MACROD2: variants seen among roughly 807,000 people sequenced by gnomAD.
MACROD2 encodes mono-ADP ribosylhydrolase 2, also known as ADP-ribose glycohydrolase MACROD2.
In MACROD2, 36 loss-of-function variants were observed where a neutral mutation model predicts 70.4. The ratio of observed to expected loss-of-function variants is 0.51; its 90% CI spans 0.39 to 0.68. MACROD2 has a LOEUF of 0.68. MACROD2 is among the 30% of genes least tolerant of loss of function. The pLI is 0.00. For synonymous variants in MACROD2, 172 were observed against 178.8 expected (o/e 0.96, Z 0.30); for missense variants, 496 against 538.4 (o/e 0.92, Z 0.78).
intron 5 of MACROD2, among the ~76,000 whole-genome samples, chr20:14,984,221 A>G (rs940251591): frequency 2.2e-4 from 33 of 152,278 alleles, no homozygotes; most frequent in African/African-American, 7.9e-4. Context: ...ATCTAATTTC[A>G]TATTGGTTAT....
chr20:14,400,494 A>G (rs1433712462), intron 3 of MACROD2, among the ~76,000 whole-genome samples: 1 of 152,190 alleles, frequency 6.6e-6, no homozygotes, highest in East Asian at 1.9e-4. Context: ...ACTGCCTGTA[A>G]ATCTTGTAGC....
intron 5 of MACROD2, among the ~76,000 whole-genome samples, chr20:15,069,085 T>C (rs923394540): frequency 2.6e-5 from 4 of 152,052 alleles, no homozygotes; most frequent in Admixed American, 2.0e-4. Flanking sequence ...TAGTACCTTG[T>C]TGTGTACTAG....
intron 8 of MACROD2, among the ~76,000 whole-genome samples, chr20:15,577,107 C>T (rs1489425982): frequency 1.3e-5 from 2 of 151,872 alleles, no homozygotes; most frequent in East Asian, 1.9e-4. Flanking sequence ...AAATATATTC[C>T]GTAGAGAAAA....
intron 3 of MACROD2, among the ~76,000 whole-genome samples, chr20:14,195,995 C>T (rs1168978014): frequency 6.6e-6 from 1 of 152,186 alleles, no homozygotes; most frequent in Non-Finnish European, 1.5e-5. Flanking sequence ...ACTAAAAGAG[C>T]ACCGTGTAAC....
At chr20:14,869,109 A>G (rs2073459723) in intron 5 of MACROD2, among the ~76,000 whole-genome samples, 1 of 152,196 alleles carries the variant, frequency 6.6e-6, no homozygotes, top group Admixed American at 6.5e-5. Flanking sequence ...AGCACAGGTC[A>G]CATACCCGTG....
At chr20:15,433,967 T>C (rs770976046) in intron 7 of MACROD2, among the ~76,000 whole-genome samples, 8 of 152,072 alleles carry the variant, frequency 5.3e-5, no homozygotes, top group Non-Finnish European at 7.4e-5. Flanking sequence ...ATTCAATAAA[T>C]GGTGCTGGGA....
At chr20:14,500,602 G>A (rs750725600) in intron 4 of MACROD2, among the ~76,000 whole-genome samples, 6 of 152,222 alleles carry the variant, frequency 3.9e-5, no homozygotes, top group Non-Finnish European at 7.3e-5. Flanking sequence ...TCCAAGCCAT[G>A]CATCTGCCTT....
chr20:15,835,864 C>T (rs1334297760), intron 8 of MACROD2, among the ~76,000 whole-genome samples: 2 of 152,194 alleles, frequency 1.3e-5, no homozygotes, highest in South Asian at 2.1e-4. Flanking sequence ...ATGCACTGTG[C>T]TTGTGGGGAT....
chr20:14,890,584 A>G (rs961325083), intron 5 of MACROD2, among the ~76,000 whole-genome samples: 8 of 151,976 alleles, frequency 5.3e-5, no homozygotes, highest in Non-Finnish European at 1.2e-4. Context: ...CCTGGGCAAC[A>G]TAGTGAGACC....
chr20:15,533,695 T>C (rs766714224), intron 8 of MACROD2, among the ~76,000 whole-genome samples: 15 of 152,128 alleles, frequency 9.9e-5, no homozygotes, highest in African/African-American at 2.7e-4. Context: ...TGATGTTGTA[T>C]CATAGGCACT....
intron 5 of MACROD2, among the ~76,000 whole-genome samples, chr20:14,896,535 A>G (rs2073832055): frequency 6.6e-6 from 1 of 151,836 alleles, no homozygotes; most frequent in African/African-American, 2.4e-5. Context: ...ATGAACTCAG[A>G]CCTTTTCTCT....
At chr20:15,316,509 A>G (rs1238065336) in intron 6 of MACROD2, among the ~76,000 whole-genome samples, 1 of 152,120 alleles carries the variant, frequency 6.6e-6, no homozygotes, top group East Asian at 1.9e-4. Context: ...GCATTTATAA[A>G]CATATAGGCA....
chr20:15,059,848 G>A lies in MACROD2; in HGVS notation c.419-170092G>A, dbSNP rs556422052. Among the ~76,000 whole-genome samples the A allele has an allele frequency of 2.0e-5, 3 of 152,272 alleles. No individual in the cohort carries two copies. The South Asian group carries it at 6.2e-4, about 32-fold the overall frequency. On this transcript the variant is annotated intron_variant, in intron 5 of 17. Transcript: ENST00000684519. ...TTTCATGTAGCCAAGGAGGTAAATG[G>A]ATGTAGCTAAGTAATTTCCTTTCAA...
chr20:14,858,769 C>G (rs954577598), intron 5 of MACROD2, among the ~76,000 whole-genome samples: 1 of 152,092 alleles, frequency 6.6e-6, no homozygotes, highest in African/African-American at 2.4e-5. Flanking sequence ...TATTCCACTT[C>G]GTAGCAATGC....
intron 6 of MACROD2, among the ~76,000 whole-genome samples, chr20:15,376,102 C>G (rs1319114539): frequency 6.6e-6 from 1 of 152,114 alleles, no homozygotes; most frequent in African/African-American, 2.4e-5. Context: ...CTTGTCAGAG[C>G]AGGTTAAGAG....
intron 7 of MACROD2, among the ~76,000 whole-genome samples, chr20:15,484,012 A>G (rs1287987491): frequency 2.7e-5 from 4 of 150,762 alleles, no homozygotes; most frequent in Non-Finnish European, 5.9e-5. Context: ...GATAAAGACA[A>G]TTTTACTTCT....
intron 6 of MACROD2, among the ~76,000 whole-genome samples, chr20:15,317,966 ATATAGT>A (rs2077832167): frequency 6.6e-6 from 1 of 152,072 alleles, no homozygotes; most frequent in Middle Eastern, 3.2e-3. Context: ...GCCATCAGAG[ATATAGT>A]TAATAAAACT....
At chr20:14,341,415 A>T (rs2083011569) in intron 3 of MACROD2, among the ~76,000 whole-genome samples, 1 of 152,210 alleles carries the variant, frequency 6.6e-6, no homozygotes, top group Admixed American at 6.5e-5. Context: ...AGGCGGGAGG[A>T]TCACCTGAAG....
chr20:14,824,450 TATCTCTGCCC>T (rs1293281068), intron 5 of MACROD2, among the ~76,000 whole-genome samples: 3 of 152,070 alleles, frequency 2.0e-5, no homozygotes, highest in Non-Finnish European at 2.9e-5. Context: ...GGGGATGGCT[TATCTCTGCCC>T]CATGTGCCAT....
Sources: gnomAD v4.1 joint callset for allele counts (sites outside exome capture counted in the v4.1 genomes callset) on GRCh38, gnomAD v4.1.1 for gene constraint, MANE v1.5 for transcripts, NCBI Gene and HGNC (gene_info 2026-07-23, HGNC 2026-07-21) for gene names.